The following TBC1D22A variants were observed in gnomAD, a reference collection of about 807,000 sequenced individuals.
TBC1D22A encodes the protein putative GTPase activator.
In TBC1D22A, 38 loss-of-function variants were observed where a neutral mutation model predicts 60.2. The observed-to-expected ratio is 0.63, with a 90% CI of 0.49 to 0.83. The LOEUF (loss-of-function observed/expected upper bound fraction) is 0.83, where lower values mean the gene tolerates loss of function less well. Ranked by LOEUF, TBC1D22A falls within the 40% of genes least tolerant of loss-of-function variation. The probability of loss-of-function intolerance (pLI) is 0.00; values close to 1 mark genes in which losing one functional copy is unlikely to be tolerated. For missense variants in TBC1D22A, 628 were observed against 701.0 expected, an observed-to-expected ratio of 0.90 and a Z score of 1.18; for synonymous variants, 302 against 281.7, an observed-to-expected ratio of 1.07 and a Z score of -0.72.
intron 8 of TBC1D22A, among the ~76,000 whole-genome samples, chr22:46,958,252 T>C (rs2073315485): frequency 6.6e-6 from 1 of 152,174 alleles, no homozygotes; most frequent in Non-Finnish European, 1.5e-5. Flanking sequence ...ATCAGGTCCA[T>C]TCAGTCCTCT....
intron 8 of TBC1D22A, among the ~76,000 whole-genome samples, chr22:46,958,282 T>C (rs1053534695): frequency 2.0e-5 from 3 of 152,218 alleles, no homozygotes; most frequent in African/African-American, 7.2e-5. Flanking sequence ...CCTTTGGGGC[T>C]GGAGGTACAA....
intron 12 of TBC1D22A, among the ~76,000 whole-genome samples, chr22:47,132,672 C>T (rs1235174938): frequency 2.0e-5 from 3 of 152,204 alleles, no homozygotes; most frequent in Non-Finnish European, 2.9e-5. Flanking sequence ...TGGCTCCTGA[C>T]CTCTCATTGT....
chr22:47,021,279 G>A (rs1603033173), intron 10 of TBC1D22A, among the ~76,000 whole-genome samples: 1 of 148,540 alleles, frequency 6.7e-6, no homozygotes, highest in South Asian at 2.2e-4. Context: ...AACCCCACCT[G>A]TAGCCTGGAG....
intron 11 of TBC1D22A, among the ~76,000 whole-genome samples, chr22:47,057,341 G>A (rs1051119124): frequency 1.3e-5 from 2 of 152,082 alleles, no homozygotes; most frequent in Non-Finnish European, 2.9e-5. Flanking sequence ...TTAGGCCACC[G>A]TCCCGCCTTC....
chr22:46,884,098 G>A (rs555970226), intron 5 of TBC1D22A, among the ~76,000 whole-genome samples: 2 of 152,252 alleles, frequency 1.3e-5, no homozygotes, highest in Admixed American at 6.5e-5. Flanking sequence ...TTCCGCCCTC[G>A]TGGACCTCAC....
At position 47,106,462 on chromosome 22, in the gene TBC1D22A, G is replaced by A. The variant is rs781485722; in HGVS notation, c.1330-5046G>A. Among the ~76,000 whole-genome samples the A allele has an allele frequency of 3.6e-4, 55 of 152,332 alleles. 1 individual carries two copies. Among genetic ancestry groups the A allele is most frequent in the Admixed American group, 2.3e-3 (35 of 15,306 alleles). On this transcript the variant is annotated intron_variant, in intron 11 of 12. Transcript: ENST00000337137. ...AAATAGATTGATAGCATTCAATAGC[G>A]GAGGCTAGAAGATGATAGAGTATCA... is the stretch of plus-strand genomic sequence containing the variant.
At chr22:46,982,749 G>A (rs2074564128) in intron 9 of TBC1D22A, among the ~76,000 whole-genome samples, 3 of 152,152 alleles carry the variant, frequency 2.0e-5, no homozygotes, top group Admixed American at 2.0e-4. Flanking sequence ...TGAAGGAGGG[G>A]ATTCAGGAGC....
At chr22:46,941,342 T>TACAGA (rs2072044162) in intron 8 of TBC1D22A, among the ~76,000 whole-genome samples, 1 of 149,298 alleles carries the variant, frequency 6.7e-6, no homozygotes, top group African/African-American at 2.5e-5. Context: ...ACAATATATA[T>TACAGA]ATATATAGAA....
chr22:47,139,441 G>A (rs1044038427), intron 12 of TBC1D22A, among the ~76,000 whole-genome samples: 2 of 152,340 alleles, frequency 1.3e-5, no homozygotes, highest in African/African-American at 2.4e-5. Context: ...GGGTAGGCCC[G>A]GGGTCTGCAT....
intron 8 of TBC1D22A, among the ~76,000 whole-genome samples, chr22:46,928,970 A>C (rs1246001008): frequency 6.6e-6 from 1 of 152,154 alleles, no homozygotes; most frequent in Non-Finnish European, 1.5e-5. Flanking sequence ...CGGGGGATTG[A>C]CTGTTAATGG....
At chr22:47,110,776 C>T (rs1023568567) in intron 11 of TBC1D22A, among the ~76,000 whole-genome samples, 3 of 152,218 alleles carry the variant, frequency 2.0e-5, no homozygotes, top group African/African-American at 7.2e-5. Context: ...TCAGTCTTTG[C>T]AGTTGGCCGT....
intron 4 of TBC1D22A, among the ~76,000 whole-genome samples, chr22:46,805,234 C>G (rs763755555): frequency 1.3e-5 from 2 of 152,220 alleles, no homozygotes; most frequent in Non-Finnish European, 1.5e-5. Flanking sequence ...AATTGAGCCA[C>G]CAGCGGTCAG....
At chr22:46,875,304 T>C (rs1356666963) in intron 4 of TBC1D22A, among the ~76,000 whole-genome samples, 1 of 152,226 alleles carries the variant, frequency 6.6e-6, no homozygotes, top group Non-Finnish European at 1.5e-5. Flanking sequence ...GGATATATAC[T>C]GTCTGTACTG....
chr22:47,088,900 G>A (rs1375171115), intron 11 of TBC1D22A, among the ~76,000 whole-genome samples: 1 of 152,190 alleles, frequency 6.6e-6, no homozygotes, highest in Admixed American at 6.5e-5. Flanking sequence ...CACACACACA[G>A]ATCCCATCTG....
At chr22:46,974,480 G>A (rs895463434) in intron 9 of TBC1D22A, 81 bp downstream of exon 9, 3 of 1,172,234 alleles carry the variant, frequency 2.6e-6, no homozygotes, top group East Asian at 5.1e-5. Flanking sequence ...GGCTGCTCCT[G>A]AGTCTCAGTG....
At chr22:47,045,256 T>C (rs2062993934) in intron 11 of TBC1D22A, among the ~76,000 whole-genome samples, 1 of 152,232 alleles carries the variant, frequency 6.6e-6, no homozygotes, top group South Asian at 2.1e-4. Context: ...GTGTTCACTG[T>C]CCCTCGGACT....
chr22:47,104,561 G>A (rs1325780594), intron 11 of TBC1D22A, among the ~76,000 whole-genome samples: 10 of 151,932 alleles, frequency 6.6e-5, no homozygotes, highest in African/African-American at 2.2e-4. Flanking sequence ...TGGGCATGAT[G>A]GCACATGCCT....
chr22:46,930,556 T>C (rs977796083), intron 8 of TBC1D22A, among the ~76,000 whole-genome samples: 2 of 151,988 alleles, frequency 1.3e-5, no homozygotes, highest in East Asian at 1.9e-4. Flanking sequence ...CCCAGGTTCA[T>C]GCCGTTCTTC....
intron 8 of TBC1D22A, among the ~76,000 whole-genome samples, chr22:46,928,777 A>G (rs1217021792): frequency 1.3e-5 from 2 of 152,374 alleles, no homozygotes; most frequent in African/African-American, 2.4e-5. Flanking sequence ...TCCAGAGAAA[A>G]TATACAAATG....
Sources: gnomAD v4.1 joint callset for allele counts (sites outside exome capture counted in the v4.1 genomes callset) on GRCh38, gnomAD v4.1.1 for gene constraint, MANE v1.5 for transcripts, NCBI Gene and HGNC (gene_info 2026-07-23, HGNC 2026-07-21) for gene names.